Variants in IAH1 observed in about 807,000 individuals in gnomAD.
IAH1 encodes the protein isoamyl acetate hydrolyzing esterase 1 (putative).
IAH1 carries 24 observed loss-of-function variants against 26.7 expected under a neutral mutation model. That is an observed-to-expected ratio of 0.90 (90% CI 0.65 to 1.26). The LOEUF is 1.26. IAH1 is among the 50% of genes most tolerant of loss of function. The probability of loss-of-function intolerance (pLI) is 0.00; values close to 1 mark genes in which losing one functional copy is unlikely to be tolerated. For synonymous variants in IAH1, 140 were observed against 118.5 expected, an observed-to-expected ratio of 1.18 and a Z score of -1.18; for missense variants, 300 against 299.9, an observed-to-expected ratio of 1.00 and a Z score of 0.00.
downstream of IAH1, chr2:9,497,229 C>T (rs1238459637): frequency 1.1e-5 from 18 of 1,614,050 alleles, no homozygotes; most frequent in African/African-American, 2.7e-5. Flanking sequence ...TTCCTGGAGG[C>T]GGGCACTCAC....
At chr2:9,502,221 ACTT>A in the IAH1 span, 10 of 1,614,002 alleles carry the variant, frequency 6.2e-6, no homozygotes, top group South Asian at 3.3e-5. Context: ...GCCTCCTGGC[ACTT>A]CTTCTGGGCA....
downstream of IAH1, chr2:9,490,427 G>A: frequency 6.2e-7 from 1 of 1,614,222 alleles, no homozygotes; most frequent in Non-Finnish European, 8.5e-7. Context: ...GATCACAGGG[G>A]CAGGCTGCAG....
intron 5 of IAH1, 29 bp downstream of exon 5, chr2:9,484,579 G>A: frequency 6.9e-7 from 1 of 1,455,560 alleles, no homozygotes; most frequent in Non-Finnish European, 9.7e-7. Flanking sequence ...TCCTCTCGGG[G>A]TAAATAGGAT....
At chr2:9,493,631 G>A (rs903180818), downstream of IAH1, 1 of 825,430 alleles carries the variant, frequency 1.2e-6, no homozygotes, top group African/African-American at 1.7e-5. Flanking sequence ...CTAAAGCTGT[G>A]AATAGTTCCA....
the IAH1 span, among the ~76,000 whole-genome samples, chr2:9,510,296 A>G: frequency 8.5e-5 from 13 of 152,162 alleles, no homozygotes; most frequent in Non-Finnish European, 1.6e-4. Flanking sequence ...AGATGGGAGG[A>G]TTACTTTACT....
At chr2:9,500,659 A>T (rs1662944385), downstream of IAH1, among the ~76,000 whole-genome samples, 1 of 152,242 alleles carries the variant, frequency 6.6e-6, no homozygotes, top group Non-Finnish European at 1.5e-5. Flanking sequence ...CAGAGGAACA[A>T]AAAAACTAGA....
chr2:9,484,619 G>T, intron 5 of IAH1, 69 bp downstream of exon 5: 4 of 1,060,870 alleles, frequency 3.8e-6, no homozygotes, highest in Non-Finnish European at 5.8e-6. Context: ...TGTGTGTGCA[G>T]CAGCTTTCCC....
chr2:9,509,112 G>T, the IAH1 span, among the ~76,000 whole-genome samples: 1 of 152,168 alleles, frequency 6.6e-6, no homozygotes, highest in Non-Finnish European at 1.5e-5. Context: ...GTCCAGGGAA[G>T]GCTTGCACAT....
At position 9,488,382 on chromosome 2, in the gene IAH1, A is replaced by C; in HGVS notation, c.*53A>C. ...GTTATCTACAGAACTCAAAGTTGTC[A>C]ATACGTAGAGGTACGCTTTTTTCCT... On this transcript the variant is annotated 3_prime_UTR_variant, in exon 6 of 6. Coordinates refer to ENST00000497473, the MANE Select transcript of IAH1 (RefSeq NM_001039613.3). 7.0e-7 allele frequency: 1 copy of C among 1,422,180 alleles called. No homozygotes were observed. Among genetic ancestry groups the C allele is most frequent in the African/African-American group, 1.4e-5 (1 of 69,842 alleles). The allele number at this position is 1,422,180 out of a possible 1,614,324, so 88.1% of individuals were successfully genotyped here.
chr2:9,474,071 A>G (rs1558471402), upstream of IAH1, among the ~76,000 whole-genome samples: 1 of 152,038 alleles, frequency 6.6e-6, no homozygotes, highest in Non-Finnish European at 1.5e-5. This position sits in a 1 kb window ranked among gnomAD's most constrained non-coding sequence, Gnocchi z 4.3. Context: ...TCATTCGCAG[A>G]ACCACGAGGT....
downstream of IAH1, chr2:9,490,216 CTGCAGTTTAAAGGAGGCAGCCTT>C (rs1444497343): frequency 6.2e-7 from 1 of 1,601,042 alleles, no homozygotes; most frequent in East Asian, 2.2e-5. Context: ...GATTCTGACG[CTGCAGTTTAAAGGAGGCAGCCTT>C]TTCACTTCTG....
rs1244536890 is a variant in IAH1 at position 9,474,553 on chromosome 2, C to CGCCCT, written c.-10_-9insTGCCC. The CGCCCT allele has an allele frequency of 1.4e-6, 2 of 1,463,724 alleles. No individual in the cohort carries two copies. The highest frequency in any genetic ancestry group is 1.5e-5 in the African/African-American group (1 of 67,934). The allele number at this position is 1,463,724 out of a possible 1,614,324, so 90.7% of individuals were successfully genotyped here. A position where few individuals can be genotyped will look rare whatever the true frequency, so the allele number is the denominator to read the frequency against. ...CGTGGCTGGCGGCCCCGCCCCGCCC[C>CGCCCT]GCCCGGCTGCTCCATGGCGCTGTGC... On this transcript the variant is annotated 5_prime_UTR_variant, in exon 1 of 6. Coordinates refer to ENST00000497473, the MANE Select transcript of IAH1 (RefSeq NM_001039613.3). This position sits in a 1 kb window ranked among gnomAD's most constrained non-coding sequence, Gnocchi z 4.3.
At chr2:9,485,454 G>A (rs1349069608) in intron 5 of IAH1, 1 of 152,424 alleles carries the variant, frequency 6.6e-6, no homozygotes, top group African/African-American at 2.4e-5. Flanking sequence ...AGGAGTTCAA[G>A]ACCAGCCTGG....
At chr2:9,511,888 T>C in the IAH1 span, among the ~76,000 whole-genome samples, 1 of 152,108 alleles carries the variant, frequency 6.6e-6, no homozygotes, top group African/African-American at 2.4e-5. Flanking sequence ...GAAGAATTGC[T>C]TGAACCCAGG....
chr2:9,509,888 C>A, the IAH1 span: 1 of 1,510,002 alleles, frequency 6.6e-7, no homozygotes. Flanking sequence ...AGGGAAACGC[C>A]TAGGAATGGA....
downstream of IAH1, chr2:9,497,371 A>G (rs1359169950): frequency 3.1e-6 from 4 of 1,280,578 alleles, no homozygotes; most frequent in South Asian, 4.2e-5. Context: ...AAAGTGACCT[A>G]CAGAGCTAGG....
the IAH1 span, chr2:9,505,544 C>G: frequency 1.6e-6 from 1 of 621,990 alleles, no homozygotes; most frequent in Non-Finnish European, 2.8e-6. Flanking sequence ...AACTGGGAAC[C>G]TCCCTCCATA....
the IAH1 span, among the ~76,000 whole-genome samples, chr2:9,505,844 T>C: frequency 1.3e-5 from 2 of 152,206 alleles, no homozygotes; most frequent in Non-Finnish European, 2.9e-5. Flanking sequence ...TGGCTACTTA[T>C]ATGGATGATC....
the IAH1 span, among the ~76,000 whole-genome samples, chr2:9,504,846 T>C: frequency 6.6e-6 from 1 of 152,008 alleles, no homozygotes; most frequent in Non-Finnish European, 1.5e-5. Flanking sequence ...TGTTACATAA[T>C]GTCACACTGC....
Sources: allele counts gnomAD v4.1 joint callset (sites outside exome capture counted in the v4.1 genomes callset), GRCh38; gene constraint gnomAD v4.1.1; non-coding constraint Gnocchi (gnomAD v3.1); transcripts MANE v1.5; gene names NCBI Gene and HGNC (gene_info 2026-07-23, HGNC 2026-07-21).